The following EBF1 variants were observed in gnomAD, a reference collection of about 807,000 sequenced individuals.
The protein encoded by EBF1 is EBF transcription factor 1.
EBF1 carries 10 observed loss-of-function variants against 68.4 expected under a neutral mutation model. The observed-to-expected ratio is 0.15, with a 90% CI of 0.09 to 0.25. The LOEUF is 0.25. EBF1 is among the 10% of genes least tolerant of loss of function. EBF1 has a pLI of 1.00. For synonymous variants in EBF1, 298 were observed against 299.8 expected (o/e 0.99, Z 0.06); for missense variants, 509 against 794.4 (o/e 0.64, Z 4.32).
intron 6 of EBF1, among the ~76,000 whole-genome samples, chr5:159,042,602 GTGTGTGTGCA>G (rs1001076296): frequency 6.6e-6 from 1 of 151,626 alleles, no homozygotes; most frequent in African/African-American, 2.4e-5. Flanking sequence ...GTGTGTGTGT[GTGTGTGTGCA>G]TGTGTGTGTG....
chr5:158,789,310 A>T (rs1215632761), intron 9 of EBF1, among the ~76,000 whole-genome samples: 2 of 152,206 alleles, frequency 1.3e-5, no homozygotes, highest in Admixed American at 6.5e-5. Context: ...AAATAAATGG[A>T]CACAACTATT....
At chr5:158,986,516 A>G (rs1759117833) in intron 6 of EBF1, 1 of 152,250 alleles carries the variant, frequency 6.6e-6, no homozygotes, top group African/African-American at 2.4e-5. Context: ...ATGTGAGCCC[A>G]TAATTATACA....
intron 6 of EBF1, among the ~76,000 whole-genome samples, chr5:159,031,282 G>A (rs1768792849): frequency 6.6e-6 from 1 of 152,206 alleles, no homozygotes; most frequent in African/African-American, 2.4e-5. Context: ...TTATAAAAGA[G>A]GATCACCAAC....
chr5:158,815,163 G>C (rs781087668), intron 8 of EBF1, among the ~76,000 whole-genome samples: 2 of 152,184 alleles, frequency 1.3e-5, no homozygotes, highest in Non-Finnish European at 2.9e-5. Flanking sequence ...CTTAATTGCT[G>C]TGTGACTTTA....
chr5:158,746,799 T>G (rs537875374), intron 10 of EBF1, among the ~76,000 whole-genome samples: 12 of 152,284 alleles, frequency 7.9e-5, no homozygotes, highest in African/African-American at 2.9e-4. Flanking sequence ...TGTTGCTGGC[T>G]TTTTCAGAGG....
At chr5:159,098,835 G>A (rs1349201072) in intron 1 of EBF1, among the ~76,000 whole-genome samples, 3 of 147,494 alleles carry the variant, frequency 2.0e-5, no homozygotes, top group Non-Finnish European at 3.0e-5. Context: ...AAAAAGAAAG[G>A]CAGGAAGAGG....
intron 4 of EBF1, 142 bp downstream of exon 4, chr5:159,095,478 G>A: frequency 1.2e-6 from 1 of 840,654 alleles, no homozygotes; most frequent in Non-Finnish European, 1.9e-6. Context: ...GACACTGGAA[G>A]GCCGTGCAAG....
At chr5:158,862,005 C>T (rs763566407) in intron 6 of EBF1, among the ~76,000 whole-genome samples, 10 of 152,052 alleles carry the variant, frequency 6.6e-5, no homozygotes, top group Non-Finnish European at 1.2e-4. Flanking sequence ...TGTTTTACTC[C>T]ATAACATTTC....
intron 6 of EBF1, among the ~76,000 whole-genome samples, chr5:159,053,601 T>TCACACACA (rs1219373537): frequency 7.3e-6 from 1 of 137,776 alleles, no homozygotes; most frequent in African/African-American, 2.9e-5. Context: ...TCTCTCTCTC[T>TCACACACA]CTCTCACACA....
intron 6 of EBF1, among the ~76,000 whole-genome samples, chr5:158,940,763 GCCC>G (rs1281689924): frequency 0.013 from 82 of 6,358 alleles, 1 homozygote; most frequent in African/African-American, 0.031. Context: ...TCACCCCACC[GCCC>G]CCCCCCCCCC....
intron 6 of EBF1, among the ~76,000 whole-genome samples, chr5:158,872,105 C>T (rs1371598991): frequency 6.6e-6 from 1 of 152,192 alleles, no homozygotes; most frequent in Non-Finnish European, 1.5e-5. Flanking sequence ...AGGAGAGATG[C>T]AGTCATCCCA....
At chr5:158,853,422 T>G (rs960205475) in intron 6 of EBF1, among the ~76,000 whole-genome samples, 3 of 152,226 alleles carry the variant, frequency 2.0e-5, no homozygotes, top group African/African-American at 7.2e-5. Flanking sequence ...AATTTCCATT[T>G]ATGAGAGTTG....
At chr5:158,969,552 C>T (rs13171308) in intron 6 of EBF1, among the ~76,000 whole-genome samples, 3,510 of 149,454 alleles carry the variant, frequency 0.023, 69 homozygotes, top group Middle Eastern at 0.066. Flanking sequence ...TCACTTGAGC[C>T]CAGGAGTTTG....
At chr5:159,068,100 T>C (rs538649186) in intron 6 of EBF1, among the ~76,000 whole-genome samples, 2 of 152,196 alleles carry the variant, frequency 1.3e-5, no homozygotes, top group African/African-American at 4.8e-5. Flanking sequence ...AAAAACTGGA[T>C]GAAGACCAAA....
chr5:159,098,351 C>A (rs1485913973), intron 1 of EBF1, among the ~76,000 whole-genome samples: 1 of 152,134 alleles, frequency 6.6e-6, no homozygotes, highest in Non-Finnish European at 1.5e-5. Flanking sequence ...GAGAGAAGGG[C>A]TGGAAGGGGC....
At chr5:159,069,488 A>G (rs1777444133) in intron 6 of EBF1, among the ~76,000 whole-genome samples, 1 of 152,116 alleles carries the variant, frequency 6.6e-6, no homozygotes, top group Non-Finnish European at 1.5e-5. Flanking sequence ...GTATTCATCC[A>G]TGTCATTGCT....
At chr5:159,079,188 G>A (rs925837560) in intron 5 of EBF1, among the ~76,000 whole-genome samples, 3 of 151,924 alleles carry the variant, frequency 2.0e-5, no homozygotes, top group East Asian at 1.9e-4. Flanking sequence ...ATCCATCCTC[G>A]TCACACTAAC....
chr5:158,814,842 G>A (rs1257555478), intron 8 of EBF1, among the ~76,000 whole-genome samples: 1 of 152,080 alleles, frequency 6.6e-6, no homozygotes, highest in African/African-American at 2.4e-5. Context: ...AATAAAATCA[G>A]CATTTTTTAA....
At chr5:158,934,772 T>C (rs1202401032) in intron 6 of EBF1, among the ~76,000 whole-genome samples, 2 of 152,244 alleles carry the variant, frequency 1.3e-5, no homozygotes, top group Non-Finnish European at 2.9e-5. Context: ...GTAAAACGTT[T>C]AGCACAGTGC....
Sources: allele counts gnomAD v4.1 joint callset (sites outside exome capture counted in the v4.1 genomes callset), GRCh38; gene constraint gnomAD v4.1.1; transcripts MANE v1.5; gene names NCBI Gene and HGNC (gene_info 2026-07-23, HGNC 2026-07-21).